The following S100A8 variants were observed in gnomAD, a reference collection of about 807,000 sequenced individuals.
The protein encoded by S100A8 is protein S100-A8.
Under a neutral mutation model 4.2 loss-of-function variants are expected in S100A8, and 1 was observed. That is an observed-to-expected ratio of 0.24 (90% confidence interval 0.08 to 1.12). S100A8 has a LOEUF of 1.12. Ranked by LOEUF, S100A8 falls within the 50% of genes most tolerant of loss-of-function variation. S100A8 has a pLI of 0.53. For missense variants in S100A8, 96 were observed against 111.8 expected (o/e 0.86, Z 0.64); for synonymous variants, 41 against 44.7 (o/e 0.92, Z 0.33).
chr1:153,422,499 G>A, the S100A8 span: 12 of 984,354 alleles, frequency 1.2e-5, no homozygotes, highest in Non-Finnish European at 1.3e-5. Context: ...ATACTTGACA[G>A]CTCTATGCCC....
chr1:153,419,757 T>C, the S100A8 span: 5 of 158,558 alleles, frequency 3.2e-5, no homozygotes, highest in African/African-American at 1.2e-4. Flanking sequence ...CCAGCTGTTC[T>C]CCAGGGCTTG....
the S100A8 span, among the ~76,000 whole-genome samples, chr1:153,402,113 T>C: frequency 6.6e-6 from 1 of 152,034 alleles, no homozygotes; most frequent in Non-Finnish European, 1.5e-5. Context: ...GATTTGAGCA[T>C]AGGGAGTCCC....
the S100A8 span, among the ~76,000 whole-genome samples, chr1:153,418,489 C>A: frequency 3.9e-5 from 6 of 152,196 alleles, no homozygotes; most frequent in East Asian, 1.2e-3. Context: ...AGTCCCCTCC[C>A]AGCGCTCACT....
chr1:153,398,420 C>T, the S100A8 span, among the ~76,000 whole-genome samples: 1 of 151,090 alleles, frequency 6.6e-6, no homozygotes, highest in African/African-American at 2.4e-5. Context: ...TCCCTGCTAT[C>T]CTTCCCCCGG....
At chr1:153,413,663 G>T in the S100A8 span, among the ~76,000 whole-genome samples, 1 of 152,186 alleles carries the variant, frequency 6.6e-6, no homozygotes, top group Non-Finnish European at 1.5e-5. Flanking sequence ...CACTTTGGGA[G>T]GCCGAGATGA....
At chr1:153,419,980 G>A in the S100A8 span, 1 of 152,678 alleles carries the variant, frequency 6.5e-6, no homozygotes. Context: ...TCACTGTGAT[G>A]CTTAGCTGTC....
At chr1:153,391,792 A>G (rs1334594028), upstream of S100A8, among the ~76,000 whole-genome samples, 2 of 152,192 alleles carry the variant, frequency 1.3e-5, no homozygotes, top group Non-Finnish European at 2.9e-5. Flanking sequence ...GGCCTGAGCC[A>G]TTGCATAAAC....
the S100A8 span, among the ~76,000 whole-genome samples, chr1:153,405,213 A>G: frequency 8.5e-5 from 13 of 152,124 alleles, no homozygotes; most frequent in African/African-American, 3.1e-4. Flanking sequence ...TACATTTCTC[A>G]GGGTACGCTT....
chr1:153,397,854 G>A, the S100A8 span, among the ~76,000 whole-genome samples: 1 of 152,142 alleles, frequency 6.6e-6, no homozygotes, highest in Non-Finnish European at 1.5e-5. Context: ...CCTTCCCCAG[G>A]GCCGCCTTCT....
chr1:153,404,667 T>A, the S100A8 span, among the ~76,000 whole-genome samples: 2 of 152,230 alleles, frequency 1.3e-5, no homozygotes, highest in African/African-American at 4.8e-5. Context: ...TTCTACCACT[T>A]GATTAACAAT....
At chr1:153,420,805 T>A in the S100A8 span, 1 of 152,328 alleles carries the variant, frequency 6.6e-6, no homozygotes, top group African/African-American at 2.4e-5. Flanking sequence ...CATTTTCTCC[T>A]CCCAGCCCCC....
the S100A8 span, among the ~76,000 whole-genome samples, chr1:153,398,242 G>A: frequency 3.9e-5 from 6 of 152,152 alleles, no homozygotes; most frequent in Admixed American, 1.3e-4. Flanking sequence ...ATGGGTCTAC[G>A]TTTGATGACA....
chr1:153,414,216 T>A, the S100A8 span, among the ~76,000 whole-genome samples: 1 of 152,220 alleles, frequency 6.6e-6, no homozygotes, highest in Non-Finnish European at 1.5e-5. Flanking sequence ...ACTTTTTAGA[T>A]GCAACACCAA....
upstream of S100A8, among the ~76,000 whole-genome samples, chr1:153,395,786 A>C (rs1662198035): frequency 6.6e-6 from 1 of 152,220 alleles, no homozygotes; most frequent in Admixed American, 6.5e-5. Context: ...CTCCATGAAC[A>C]CTAATTTCCA....
chr1:153,402,120 T>A, the S100A8 span, among the ~76,000 whole-genome samples: 1 of 151,892 alleles, frequency 6.6e-6, no homozygotes, highest in South Asian at 2.1e-4. Flanking sequence ...GCATAGGGAG[T>A]CCCTAGGCTG....
the S100A8 span, among the ~76,000 whole-genome samples, chr1:153,410,609 A>C: frequency 6.6e-6 from 1 of 152,200 alleles, no homozygotes; most frequent in Non-Finnish European, 1.5e-5. Context: ...AAAAAGAGGG[A>C]ATCCTCCCTA....
chr1:153,418,728 T>C, the S100A8 span, among the ~76,000 whole-genome samples: 4 of 151,984 alleles, frequency 2.6e-5, no homozygotes, highest in Non-Finnish European at 5.9e-5. Flanking sequence ...GAAGATGAGT[T>C]TGGTGGAAAA....
chr1:153,410,664 A>G, the S100A8 span, among the ~76,000 whole-genome samples: 2 of 152,214 alleles, frequency 1.3e-5, no homozygotes, highest in African/African-American at 2.4e-5. Flanking sequence ...AAAGCCTGGC[A>G]GAGACACAAC....
At chr1:153,411,065 GGT>G in the S100A8 span, among the ~76,000 whole-genome samples, 3 of 152,160 alleles carry the variant, frequency 2.0e-5, no homozygotes, top group Admixed American at 1.3e-4. Context: ...TTTGAAAACT[GGT>G]GCAAGACAGG....
Sources: allele counts gnomAD v4.1 joint callset (sites outside exome capture counted in the v4.1 genomes callset), GRCh38; gene constraint gnomAD v4.1.1; transcripts MANE v1.5; gene names NCBI Gene and HGNC (gene_info 2026-07-23, HGNC 2026-07-21).